CYFIP1: variants seen among roughly 807,000 people sequenced by gnomAD.
CYFIP1 encodes cytoplasmic FMR1-interacting protein 1.
Under a neutral mutation model 163.5 loss-of-function variants are expected in CYFIP1, and 58 were observed. That is an observed-to-expected ratio of 0.35 (90% confidence interval 0.29 to 0.44). CYFIP1 has a LOEUF of 0.44. CYFIP1 is among the 20% of genes least tolerant of loss of function. The probability of loss-of-function intolerance (pLI) is 1.00; values close to 1 mark genes in which losing one functional copy is unlikely to be tolerated. For synonymous variants in CYFIP1, 663 were observed against 660.7 expected, an observed-to-expected ratio of 1.00 and a Z score of -0.05; for missense variants, 1,338 against 1,653.8, an observed-to-expected ratio of 0.81 and a Z score of 3.31.
chr15:22,878,177 A>C (rs2059638969), intron 26 of CYFIP1, among the ~76,000 whole-genome samples: 3 of 152,230 alleles, frequency 2.0e-5, no homozygotes, highest in African/African-American at 7.2e-5. Flanking sequence ...ACGCTTCGCC[A>C]GGGTATGTGG....
rs2060385243 is a variant in CYFIP1, at chr15:22,901,277, C to T, written c.2588+2429G>A. 9.2e-5 allele frequency among the ~76,000 whole-genome samples: 14 copies of T among 151,942 alleles called. 2 individuals are homozygous for T. The South Asian group carries it at 2.9e-3, about 32-fold the overall frequency. ...CCAGTGTGAAGATAACTGATTCGGACAGGAATCGTCGACAGATGTTAAAAC... is the reference window on the plus strand; with the variant it reads ...CCAGTGTGAAGATAACTGATTCGGATAGGAATCGTCGACAGATGTTAAAAC... On this transcript the variant is annotated intron_variant, in intron 22 of 30. Coordinates refer to ENST00000617928, the MANE Select transcript of CYFIP1 (RefSeq NM_014608.6).
chr15:22,880,694 A>G (rs1458781828), intron 25 of CYFIP1, among the ~76,000 whole-genome samples: 1 of 152,202 alleles, frequency 6.6e-6, no homozygotes, highest in East Asian at 1.9e-4. Flanking sequence ...TACCCTGGGA[A>G]GAGCAAAGCG....
Position 22,943,155 on chromosome 15 carries a change from C to T in CYFIP1, c.569+18G>A, listed in dbSNP as rs191733201. 852 of 1,612,192 alleles carry T rather than the reference C, an allele frequency of 5.3e-4. 3 individuals are homozygous for T. In the African/African-American group the frequency reaches 0.01, roughly 19 times the overall value. On this transcript the variant is annotated intron_variant, in intron 6 of 30. Coordinates refer to ENST00000617928, the MANE Select transcript of CYFIP1 (RefSeq NM_014608.6). ...GGTGCTCTCGGGAGGGCCCGCAGTGCGCGAGGTGGGTGCTCACCTCTTGTA... is the reference window on the plus strand; with the variant it reads ...GGTGCTCTCGGGAGGGCCCGCAGTGTGCGAGGTGGGTGCTCACCTCTTGTA...
rs34402750 is a variant in CYFIP1 at position 22,971,676 on chromosome 15, C to CA, written c.-7+8610dup. 4.9e-3 allele frequency among the ~76,000 whole-genome samples: 647 copies of CA among 133,380 alleles called. 1 individual carries two copies. Among genetic ancestry groups the CA allele is most frequent in the Middle Eastern group, 0.016 (4 of 256 alleles). 87.5% of individuals were successfully genotyped at this position (133,380 alleles called of 152,430 possible). A position where few individuals can be genotyped will look rare whatever the true frequency, so the allele number is the denominator to read the frequency against. ...GAGCAACAAGACCAAAACTCTGTCTCAAAAAAAAAAAGAAAAAAGAAAAAG... is the reference window on the plus strand; with the variant it reads ...GAGCAACAAGACCAAAACTCTGTCTCAAAAAAAAAAAAGAAAAAAGAAAAAG... On this transcript the variant is annotated intron_variant, in intron 1 of 30. Coordinates refer to ENST00000617928, the MANE Select transcript of CYFIP1 (RefSeq NM_014608.6).
rs777700210 is a variant in CYFIP1, at chr15:22,910,660, T to C, written c.2160-32A>G. 4 of 1,608,710 alleles carry C rather than the reference T, an allele frequency of 2.5e-6. No individual in the cohort carries two copies. In the South Asian group the frequency reaches 3.3e-5, roughly 13 times the overall value. On this transcript the variant is annotated intron_variant, in intron 19 of 30. Transcript: ENST00000617928. The stretch of plus-strand genomic sequence containing the variant: ...TAGAAGGAAGACAGAAAGTTTTTCA[T>C]ACGCCATAAATTGTAATGGGAATGT...
chr15:22,937,093 A>T lies in CYFIP1; in HGVS notation c.900+11T>A, dbSNP rs1434293572. On this transcript the variant is annotated intron_variant, in intron 9 of 30. Transcript: ENST00000617928. Reference sequence around the variant, plus strand: ...TCAATAAAAACATTGATCTAAAAACATGTAACTCACCTTGAAGTACTTGTC... The same window carrying T: ...TCAATAAAAACATTGATCTAAAAACTTGTAACTCACCTTGAAGTACTTGTC... 1 of 1,552,334 alleles carries T rather than the reference A, an allele frequency of 6.4e-7. No individual in the cohort carries two copies.
intron 1 of CYFIP1, among the ~76,000 whole-genome samples, chr15:22,951,098 C>T (rs1461182278): frequency 6.6e-6 from 1 of 152,086 alleles, no homozygotes; most frequent in Non-Finnish European, 1.5e-5. Flanking sequence ...GGGCCGGTTC[C>T]ACAGATACAT....
At chr15:22,964,761 GA>G (rs2062845069) in intron 1 of CYFIP1, among the ~76,000 whole-genome samples, 1 of 152,190 alleles carries the variant, frequency 6.6e-6, no homozygotes, top group Admixed American at 6.5e-5. Flanking sequence ...GAGGGCCAGA[GA>G]AAGTGATTTG....
chr15:22,962,885 A>C (rs1163880821), intron 1 of CYFIP1, among the ~76,000 whole-genome samples: 2 of 152,128 alleles, frequency 1.3e-5, no homozygotes, highest in African/African-American at 2.4e-5. Flanking sequence ...CACCCAACCA[A>C]CAAACCAGGC....
At chr15:22,952,582 G>A (rs2062289996) in intron 1 of CYFIP1, among the ~76,000 whole-genome samples, 1 of 143,432 alleles carries the variant, frequency 7.0e-6, no homozygotes, top group Non-Finnish European at 1.5e-5. Flanking sequence ...TTGAACCCAG[G>A]AGGCGGAGGT....
At chr15:22,919,816 G>A (rs887146779) in intron 13 of CYFIP1, among the ~76,000 whole-genome samples, 1 of 152,034 alleles carries the variant, frequency 6.6e-6, no homozygotes, top group Admixed American at 6.6e-5. Context: ...TGAGACCAGA[G>A]TTCAAGATCA....
chr15:22,925,053 A>T (rs1257438537), intron 13 of CYFIP1, among the ~76,000 whole-genome samples: 3 of 152,126 alleles, frequency 2.0e-5, no homozygotes, highest in Non-Finnish European at 4.4e-5. Context: ...TCACTGTTGT[A>T]GTGTTATTTT....
chr15:22,926,502 T>C (rs1463713533), intron 12 of CYFIP1, among the ~76,000 whole-genome samples: 1 of 152,134 alleles, frequency 6.6e-6, no homozygotes, highest in Non-Finnish European at 1.5e-5. Flanking sequence ...TGAGGCCTCA[T>C]CTCTACAAAA....
chr15:22,952,444 A>C (rs2062285152), intron 1 of CYFIP1, among the ~76,000 whole-genome samples: 1 of 152,028 alleles, frequency 6.6e-6, no homozygotes, highest in Admixed American at 6.6e-5. Context: ...TCACGAGGTC[A>C]GGAGTTCGAG....
At chr15:22,878,038 C>A (rs1427722187) in intron 26 of CYFIP1, among the ~76,000 whole-genome samples, 2 of 152,206 alleles carry the variant, frequency 1.3e-5, no homozygotes, top group Non-Finnish European at 2.9e-5. Context: ...CCTGTTCTTC[C>A]CAAACACAAC....
rs370963158 is a variant in CYFIP1 at position 22,927,896 on chromosome 15, C to T, written c.1233+10G>A. On this transcript the variant is annotated intron_variant, in intron 12 of 30. Coordinates refer to ENST00000617928, the MANE Select transcript of CYFIP1 (RefSeq NM_014608.6). ...TTTGGAGCGGGGCTGGGGTCGGGGA[C>T]GGGGCCTACCACTTCCATCACGTGC... 41 of 1,595,782 alleles carry T rather than the reference C, an allele frequency of 2.6e-5. No individual in the cohort carries two copies. The highest frequency in any genetic ancestry group is 3.3e-5 in the Non-Finnish European group (39 of 1,174,724).
intron 25 of CYFIP1, 75 bp from the exon 26 acceptor site, chr15:22,880,118 G>C: frequency 6.3e-7 from 1 of 1,585,792 alleles, no homozygotes; most frequent in Non-Finnish European, 8.6e-7. Context: ...CCACAGCCAG[G>C]AGCACCTGCC....
chr15:22,894,843 A>G (rs919466524), intron 22 of CYFIP1, among the ~76,000 whole-genome samples: 1 of 145,786 alleles, frequency 6.9e-6, no homozygotes, highest in East Asian at 2.0e-4. Flanking sequence ...TTTATAGTCT[A>G]TATGTATATA....
At chr15:22,901,527 G>A (rs2060393210) in intron 22 of CYFIP1, among the ~76,000 whole-genome samples, 1 of 152,166 alleles carries the variant, frequency 6.6e-6, no homozygotes. Flanking sequence ...TGGTCTTCTG[G>A]AAAAGAGGCC....
Sources: gnomAD v4.1 joint callset for allele counts (sites outside exome capture counted in the v4.1 genomes callset) on GRCh38, gnomAD v4.1.1 for gene constraint, MANE v1.5 for transcripts, NCBI Gene and HGNC (gene_info 2026-07-23, HGNC 2026-07-21) for gene names.